The following SLC43A3 variants were observed in gnomAD, a reference collection of about 807,000 sequenced individuals.
The protein encoded by SLC43A3 is solute carrier family 43 member 3, also known as equilibrative nucleobase transporter 1.
A neutral mutation model predicts 53.3 loss-of-function variants in SLC43A3; 33 were observed. That is an observed-to-expected ratio of 0.62 (90% CI 0.47 to 0.83). The LOEUF (loss-of-function observed/expected upper bound fraction) is 0.83. Among genes scored for constraint, SLC43A3 ranks in the 40% least tolerant of loss-of-function variants. The probability of loss-of-function intolerance (pLI) is 0.00; values close to 1 mark genes in which losing one functional copy is unlikely to be tolerated. For synonymous variants in SLC43A3, 236 were observed against 246.2 expected (o/e 0.96, Z 0.39); for missense variants, 530 against 610.0 (o/e 0.87, Z 1.38).
Position 57,426,672 on chromosome 11 carries a change from T to G in SLC43A3, c.-245-20A>C. 1 of 154,874 alleles carries G rather than the reference T, an allele frequency of 6.5e-6. No homozygotes were observed. The highest frequency in any genetic ancestry group is 1.4e-5 in the Non-Finnish European group (1 of 69,660). The allele number at this position is 154,874 out of a possible 1,614,324, so 9.6% of individuals were successfully genotyped here. On this transcript the variant is annotated intron_variant, in intron 1 of 13. Transcript: ENST00000395124. Reference sequence around the variant, plus strand: ...CGTCCCCTAAAATAATGACAGCAACTCAACCAGGTGCAGAGGCAGGGAGAT... The same window carrying G: ...CGTCCCCTAAAATAATGACAGCAACGCAACCAGGTGCAGAGGCAGGGAGAT...
chr11:57,416,815 C>A, intron 8 of SLC43A3, 145 bp from the exon 9 acceptor site: 2 of 641,546 alleles, frequency 3.1e-6, no homozygotes, highest in Non-Finnish European at 5.5e-6. Flanking sequence ...GGTTGCAGAC[C>A]AGACCAGTTA....
chr11:57,425,559 A>C lies in SLC43A3; in HGVS notation c.296T>G (p.Val99Gly). The C allele has an allele frequency of 6.2e-7, 1 of 1,613,952 alleles. No individual in the cohort carries two copies. The highest frequency in any genetic ancestry group is 1.1e-5 in the South Asian group (1 of 91,080). The change falls in exon 4 of 14, where the codon GTG becomes GGG. Residue 99 changes from valine to glycine, a missense_variant. This residue lies in a region of SLC43A3 where 376 missense variants were observed against 386.7 expected (regional missense o/e 0.97). Coordinates refer to ENST00000395124, the MANE Select transcript of SLC43A3 (RefSeq NM_199329.3). The part of the protein sequence containing the change: ...GYIFDRFKTT[V>G]ARLIAIFFYT... ...GACTTACATGGCTATGAGGCGTGCC[A>C]CGGTGGTCTTGAACCGGTCAAAGAT...
chr11:57,414,980 G>A lies in SLC43A3; in HGVS notation c.896C>T (p.Thr299Ile). ...CATGTTGGTCAGCAAGGAGTTGAGA[G>A]TGCCAATGAAGAGGTAGTGCCACAA... ...IQLWHYLFIG[T>I]LNSLLTNMAG... Residue 299 changes from threonine (T) to isoleucine (I), a missense_variant, in exon 10 of 14, where the codon ACT (threonine) becomes ATT (isoleucine). Transcript: ENST00000395124. 1 of 1,613,968 alleles carries A rather than the reference G, an allele frequency of 6.2e-7. No individual in the cohort carries two copies. Among genetic ancestry groups the A allele is most frequent in the Non-Finnish European group, 8.5e-7 (1 of 1,180,038 alleles).
intron 11 of SLC43A3, among the ~76,000 whole-genome samples, chr11:57,412,273 A>G (rs1389478087): frequency 6.6e-6 from 1 of 152,230 alleles, no homozygotes; most frequent in Non-Finnish European, 1.5e-5. Flanking sequence ...TCAATGGCCA[A>G]AGGTGAGACA....
At chr11:57,424,325 T>C (rs1943112047) in intron 4 of SLC43A3, among the ~76,000 whole-genome samples, 1 of 152,210 alleles carries the variant, frequency 6.6e-6, no homozygotes, top group African/African-American at 2.4e-5. Flanking sequence ...GGCTTGGGAC[T>C]TAGCCAGGAC....
In SLC43A3 at chr11:57,420,954, G is replaced by A. The variant is rs559583823; in HGVS notation, c.531+18C>T. 2.0e-6 allele frequency: 3 copies of A among 1,512,538 alleles called. No individual in the cohort carries two copies. The highest frequency in any genetic ancestry group is 2.7e-5 in the African/African-American group (2 of 72,878). 93.7% of individuals were successfully genotyped at this position (1,512,538 alleles called of 1,614,324 possible). A position where few individuals can be genotyped will look rare whatever the true frequency, so the allele number is the denominator to read the frequency against. On this transcript the variant is annotated intron_variant, in intron 7 of 13. Transcript: ENST00000395124. ...CATATACAAGTGCCCAGTGAATGTA[G>A]GCTGTTGCTATATTTACCTTAATAA...
rs202087139 is a variant in SLC43A3 at position 57,424,000 on chromosome 11, T to C, written c.343A>G (p.Ile115Val). The C allele has an allele frequency of 3.1e-6, 5 of 1,614,210 alleles. No individual in the cohort carries two copies. In the East Asian group the frequency reaches 1.1e-4, roughly 36 times the overall value. The stretch of plus-strand genomic sequence containing the variant: ...CACTCACCTGCAGAGGTGAAGGCTA[T>C]GATGAGTGTGGCGGTGGTGTAGAAA... ...IFFYTTATLI[I>V]AFTSAGSAVL... The change falls in exon 5 of 14, where the codon ATA becomes GTA. Residue 115 changes from isoleucine (I) to valine (V), a missense_variant. By Grantham distance (29) the Ile-to-Val change is conservative (BLOSUM62 3). Transcript: ENST00000395124.
intron 12 of SLC43A3, 120 bp downstream of exon 12, chr11:57,409,815 A>G (rs1451972072): frequency 1.2e-5 from 11 of 942,752 alleles, no homozygotes; most frequent in Non-Finnish European, 1.1e-5. Context: ...CCTGCCCCCA[A>G]ACCCAGTCTC....
chr11:57,415,861 T>A (rs1942696029), intron 9 of SLC43A3, among the ~76,000 whole-genome samples: 1 of 152,222 alleles, frequency 6.6e-6, no homozygotes, highest in South Asian at 2.1e-4. Context: ...ATATACAATA[T>A]GAGGTCATAG....
Position 57,425,553 on chromosome 11 carries a change from C to T in SLC43A3, c.302G>A (p.Arg101His), listed in dbSNP as rs371491685. The T allele has an allele frequency of 5.6e-6, 9 of 1,613,718 alleles. No individual in the cohort carries two copies. The highest frequency in any genetic ancestry group is 2.7e-5 in the African/African-American group (2 of 74,876). The change falls in exon 4 of 14, where the codon CGC becomes CAC. Residue 101 changes from arginine to histidine, a missense_variant. This residue lies in a region of SLC43A3 where 376 missense variants were observed against 386.7 expected (regional missense o/e 0.97). Coordinates refer to ENST00000395124, the MANE Select transcript of SLC43A3 (RefSeq NM_199329.3). ...IFDRFKTTVA[R>H]LIAIFFYTTA... Reference sequence around the variant, plus strand: ...CTTTGGGACTTACATGGCTATGAGGCGTGCCACGGTGGTCTTGAACCGGTC... The same window carrying T: ...CTTTGGGACTTACATGGCTATGAGGTGTGCCACGGTGGTCTTGAACCGGTC...
chr11:57,414,537 G>A (rs1165940247), intron 11 of SLC43A3, 78 bp downstream of exon 11: 22 of 529,034 alleles, frequency 4.2e-5, no homozygotes, highest in African/African-American at 6.3e-5. Context: ...AAAAAAGAGC[G>A]AGAGAAGATG....
At chr11:57,426,430 T>C (rs1943200150) in intron 2 of SLC43A3, 78 bp from the exon 3 acceptor site, 1 of 514,634 alleles carries the variant, frequency 1.9e-6, no homozygotes, top group East Asian at 3.1e-5. Flanking sequence ...ATTTGTGAGG[T>C]GCATTAAGAG....
intron 13 of SLC43A3, chr11:57,408,520 T>C (rs3781888): frequency 0.22 from 33,960 of 153,470 alleles, 4,020 homozygotes; most frequent in Non-Finnish European, 0.27. Context: ...TGAGCCGAGA[T>C]TGTGCCACTG....
chr11:57,423,106 C>A (rs573725741), intron 5 of SLC43A3, among the ~76,000 whole-genome samples: 1 of 152,280 alleles, frequency 6.6e-6, no homozygotes, highest in South Asian at 2.1e-4. Context: ...AGGAGGCCTG[C>A]ACATCAGGCC....
intron 5 of SLC43A3, 35 bp from the exon 6 acceptor site, chr11:57,421,408 T>C (rs765421644): frequency 7.8e-5 from 120 of 1,539,402 alleles, no homozygotes; most frequent in Non-Finnish European, 1.0e-4. Flanking sequence ...GGTGGTGTCA[T>C]AGTGCAACCC....
chr11:57,423,889 T>G, intron 5 of SLC43A3, 93 bp downstream of exon 5: 1 of 1,007,666 alleles, frequency 9.9e-7, no homozygotes, highest in Non-Finnish European at 1.6e-6. Flanking sequence ...CCATGTGGTC[T>G]GTATATCTTG....
At chr11:57,423,705 C>G in intron 5 of SLC43A3, 1 of 337,794 alleles carries the variant, frequency 3.0e-6, no homozygotes, top group Non-Finnish European at 5.5e-6. Flanking sequence ...GCTGGGATTA[C>G]AGGAGTGAGC....
chr11:57,416,380 A>T (rs1350533610), intron 9 of SLC43A3, among the ~76,000 whole-genome samples, 193 bp downstream of exon 9: 1 of 152,154 alleles, frequency 6.6e-6, no homozygotes. Flanking sequence ...AATAGAGAAA[A>T]GAGGGACAGA....
chr11:57,411,904 G>A (rs1441376958), intron 11 of SLC43A3, among the ~76,000 whole-genome samples: 1 of 151,988 alleles, frequency 6.6e-6, no homozygotes, highest in Non-Finnish European at 1.5e-5. Context: ...TTTATCAGAG[G>A]AAGAGAAAGG....
Sources: allele counts gnomAD v4.1 joint callset (sites outside exome capture counted in the v4.1 genomes callset), GRCh38; gene constraint gnomAD v4.1.1; regional missense constraint gnomAD v4.1.1; transcripts MANE v1.5; gene names NCBI Gene and HGNC (gene_info 2026-07-23, HGNC 2026-07-21).